Variants in PMFBP1 observed in about 807,000 individuals in gnomAD.
PMFBP1 encodes the protein polyamine modulated factor 1 binding protein 1.
A neutral mutation model predicts 137.8 loss-of-function variants in PMFBP1; 131 were observed. That is an observed-to-expected ratio of 0.95 (90% CI 0.82 to 1.10). The LOEUF is 1.10. Among genes scored for constraint, PMFBP1 ranks in the 50% least tolerant of loss-of-function variants. The probability of loss-of-function intolerance (pLI) is 0.00; values close to 1 mark genes in which losing one functional copy is unlikely to be tolerated. For synonymous variants in PMFBP1, 490 were observed against 450.4 expected (o/e 1.09, Z -1.11); for missense variants, 1,199 against 1,175.4 (o/e 1.02, Z -0.29).
At chr16:72,163,929 G>C (rs371841563) in intron 3 of PMFBP1, among the ~76,000 whole-genome samples, 5 of 136,174 alleles carry the variant, frequency 3.7e-5, no homozygotes, top group African/African-American at 7.5e-5. Context: ...TGGAAAGGGT[G>C]GGGGGGGTGA....
chr16:72,206,337 T>C, the PMFBP1 span, among the ~76,000 whole-genome samples: 4 of 152,176 alleles, frequency 2.6e-5, no homozygotes, highest in Non-Finnish European at 5.9e-5. Flanking sequence ...CTCTGTGACC[T>C]GCACCTCTTT....
chr16:72,205,958 A>AAC, the PMFBP1 span, among the ~76,000 whole-genome samples: 2 of 151,942 alleles, frequency 1.3e-5, no homozygotes, highest in African/African-American at 2.4e-5. Context: ...AAAGACAACA[A>AAC]ACACACACAC....
rs748857293 is a variant in PMFBP1 at position 72,132,828 on chromosome 16, G to A, written c.1367C>T (p.Ala456Val). Residue 456 changes from alanine (A) to valine (V), a missense_variant, in exon 10 of 21, where the codon GCG becomes GTG. Coordinates refer to ENST00000237353, the MANE Select transcript of PMFBP1 (RefSeq NM_031293.3). ...CTCAGCCTGCAGGGCCTTGCACTCC[G>A]CCTCCTTGGACTTGTCCTGCTTAGC... Reference protein sequence around the residue: ...KEAKQDKSKEAECKALQAEVQ... With the variant: ...KEAKQDKSKEVECKALQAEVQ... 4.9e-5 allele frequency: 79 copies of A among 1,614,056 alleles called. No homozygotes were observed. In the Admixed American group the frequency reaches 9.0e-4, roughly 18 times the overall value.
At chr16:72,165,199 G>A (rs1298528448) in intron 2 of PMFBP1, among the ~76,000 whole-genome samples, 1 of 152,162 alleles carries the variant, frequency 6.6e-6, no homozygotes, top group Non-Finnish European at 1.5e-5. Flanking sequence ...GGAAGTCAGT[G>A]TCTAGAATAA....
intron 9 of PMFBP1, among the ~76,000 whole-genome samples, chr16:72,135,637 AG>A (rs113936792): frequency 0.095 from 14,401 of 151,926 alleles, 804 homozygotes; most frequent in Middle Eastern, 0.13. Context: ...GGCTTTTCCA[AG>A]AATTTGATTT....
At chr16:72,199,515 A>G in the PMFBP1 span, among the ~76,000 whole-genome samples, 1 of 151,932 alleles carries the variant, frequency 6.6e-6, no homozygotes, top group Non-Finnish European at 1.5e-5. Flanking sequence ...TTAGCTGGGC[A>G]TGGTGGTGCA....
the PMFBP1 span, among the ~76,000 whole-genome samples, chr16:72,198,055 G>A: frequency 6.6e-6 from 1 of 152,162 alleles, no homozygotes; most frequent in African/African-American, 2.4e-5. Flanking sequence ...GAAAGAGTCT[G>A]GGGGTGGCTT....
the PMFBP1 span, among the ~76,000 whole-genome samples, chr16:72,214,575 G>A: frequency 6.6e-6 from 1 of 152,154 alleles, no homozygotes. Context: ...GAAATTCAGT[G>A]TCTAGAAACA....
upstream of PMFBP1, among the ~76,000 whole-genome samples, chr16:72,177,774 C>A (rs982963204): frequency 5.9e-5 from 9 of 152,134 alleles, no homozygotes; most frequent in African/African-American, 2.2e-4. Context: ...TGTTTTATAT[C>A]TTTAGACTCC....
the PMFBP1 span, among the ~76,000 whole-genome samples, chr16:72,242,080 TCTC>T: frequency 6.6e-6 from 1 of 152,136 alleles, no homozygotes; most frequent in Admixed American, 6.5e-5. Flanking sequence ...CATCCTTCCT[TCTC>T]TTCTCCTCCC....
chr16:72,193,756 A>G, the PMFBP1 span, among the ~76,000 whole-genome samples: 2 of 151,172 alleles, frequency 1.3e-5, no homozygotes, highest in Non-Finnish European at 2.9e-5. Context: ...CAATTACACA[A>G]CCCCCAAATG....
At position 72,157,369 on chromosome 16, in the gene PMFBP1, G is replaced by T. The variant is rs74027842; in HGVS notation, c.166-2910C>A. ...CCAGGATGGAGGAGGTTACATTTTTGAATTAAATGTTTGCATGGAAGGCCA... is the reference window on the plus strand; with the variant it reads ...CCAGGATGGAGGAGGTTACATTTTTTAATTAAATGTTTGCATGGAAGGCCA... On this transcript the variant is annotated intron_variant, in intron 3 of 20. Transcript: ENST00000237353. Among the ~76,000 whole-genome samples the T allele has an allele frequency of 7.2e-3, 1,102 of 152,098 alleles. 13 individuals carry two copies. The highest frequency in any genetic ancestry group is 0.025 in the African/African-American group (1,043 of 41,478).
chr16:72,216,537 G>A, the PMFBP1 span, among the ~76,000 whole-genome samples: 11 of 152,074 alleles, frequency 7.2e-5, no homozygotes, highest in East Asian at 1.9e-4. Context: ...TCAAGTTGGC[G>A]GCTCTAGAGG....
upstream of PMFBP1, among the ~76,000 whole-genome samples, chr16:72,174,360 C>T (rs574104306): frequency 6.6e-6 from 1 of 152,326 alleles, no homozygotes; most frequent in South Asian, 2.1e-4. Context: ...AAAAATGAAT[C>T]AGTTCATGAT....
At chr16:72,199,690 G>T in the PMFBP1 span, among the ~76,000 whole-genome samples, 1 of 148,700 alleles carries the variant, frequency 6.7e-6, no homozygotes, top group Non-Finnish European at 1.5e-5. Flanking sequence ...GGAGATTATT[G>T]GAAAGGGCTT....
the PMFBP1 span, among the ~76,000 whole-genome samples, chr16:72,244,426 A>G: frequency 6.6e-6 from 1 of 152,322 alleles, no homozygotes; most frequent in African/African-American, 2.4e-5. Context: ...CAAAATTGAC[A>G]CTAAAGGATA....
At chr16:72,121,427 G>A (rs2042375711) in intron 19 of PMFBP1, among the ~76,000 whole-genome samples, 2 of 152,078 alleles carry the variant, frequency 1.3e-5, no homozygotes, top group Admixed American at 1.3e-4. Context: ...CAATTCATTG[G>A]CCTCCTTATT....
the PMFBP1 span, among the ~76,000 whole-genome samples, chr16:72,213,083 G>C: frequency 6.6e-6 from 1 of 151,868 alleles, no homozygotes; most frequent in East Asian, 1.9e-4. Flanking sequence ...CCTAAAATGA[G>C]AGACAGTAAA....
At chr16:72,129,565 C>T (rs1486283396) in intron 12 of PMFBP1, among the ~76,000 whole-genome samples, 1 of 152,048 alleles carries the variant, frequency 6.6e-6, no homozygotes, top group African/African-American at 2.4e-5. Context: ...TAGAAGAGAA[C>T]AAAAAGAGTA....
Sources: gnomAD v4.1 joint callset for allele counts (sites outside exome capture counted in the v4.1 genomes callset) on GRCh38, gnomAD v4.1.1 for gene constraint, MANE v1.5 for transcripts, NCBI Gene and HGNC (gene_info 2026-07-23, HGNC 2026-07-21) for gene names.